The following RBFOX1 variants were observed in gnomAD, a reference collection of about 807,000 sequenced individuals.
RBFOX1 encodes the protein RNA binding fox-1 homolog 1, also known as RNA binding protein fox-1 homolog 1.
RBFOX1 carries 8 observed loss-of-function variants against 57.7 expected under a neutral mutation model. That is an observed-to-expected ratio of 0.14 (90% CI 0.08 to 0.25). RBFOX1 has a LOEUF of 0.25. Among genes scored for constraint, RBFOX1 ranks in the 10% least tolerant of loss-of-function variants. RBFOX1 has a pLI of 1.00. For missense variants in RBFOX1, 611 were observed against 548.5 expected (o/e 1.11, Z -1.14); for synonymous variants, 326 against 222.4 (o/e 1.47, Z -4.15).
chr16:5,859,052 G>C (rs1597522691), intron 3 of RBFOX1, among the ~76,000 whole-genome samples: 1 of 152,072 alleles, frequency 6.6e-6, no homozygotes, highest in South Asian at 2.1e-4. Flanking sequence ...TAAAAATACA[G>C]AAATTAGCCA....
chr16:6,974,352 T>C (rs1329999007), intron 3 of RBFOX1, among the ~76,000 whole-genome samples: 1 of 142,972 alleles, frequency 7.0e-6, no homozygotes, highest in Non-Finnish European at 1.5e-5. Flanking sequence ...TTTTTTTTTT[T>C]TTTTTTTTTT....
chr16:6,685,963 G>A (rs1023865494), intron 3 of RBFOX1, among the ~76,000 whole-genome samples: 5 of 151,936 alleles, frequency 3.3e-5, no homozygotes, highest in Admixed American at 2.6e-4. Flanking sequence ...TGATTCCAAC[G>A]TGACAAAACC....
chr16:6,180,805 A>G (rs1053022767), intron 1 of RBFOX1, among the ~76,000 whole-genome samples: 1 of 152,068 alleles, frequency 6.6e-6, no homozygotes, highest in Non-Finnish European at 1.5e-5. Context: ...ACCTCAAGTA[A>G]TCTACCTGCC....
At chr16:6,566,264 G>A (rs1013148989) in intron 2 of RBFOX1, among the ~76,000 whole-genome samples, 4 of 152,134 alleles carry the variant, frequency 2.6e-5, no homozygotes, top group Non-Finnish European at 4.4e-5. Flanking sequence ...AAAGCCACAG[G>A]CCAGTCTCAC....
intron 5 of RBFOX1, among the ~76,000 whole-genome samples, chr16:7,524,429 T>C (rs1410284891): frequency 2.0e-5 from 3 of 152,230 alleles, no homozygotes; most frequent in African/African-American, 4.8e-5. Flanking sequence ...ACGGATCACA[T>C]TGCTGACAGA....
At chr16:6,495,645 G>C (rs535851116) in intron 2 of RBFOX1, among the ~76,000 whole-genome samples, 1 of 152,192 alleles carries the variant, frequency 6.6e-6, no homozygotes, top group South Asian at 2.1e-4. Flanking sequence ...TTATTTGGCC[G>C]TTTCAGACAG....
At chr16:6,421,619 T>C (rs2093773501) in intron 2 of RBFOX1, among the ~76,000 whole-genome samples, 1 of 152,214 alleles carries the variant, frequency 6.6e-6, no homozygotes, top group Non-Finnish European at 1.5e-5. Context: ...TATTTGTTCC[T>C]GCCTCCTAGC....
chr16:5,813,040 C>G (rs2055490487), intron 3 of RBFOX1, among the ~76,000 whole-genome samples: 1 of 144,170 alleles, frequency 6.9e-6, no homozygotes, highest in African/African-American at 2.6e-5. Flanking sequence ...TGGAGACTTG[C>G]TCTGTCACCC....
intron 2 of RBFOX1, among the ~76,000 whole-genome samples, chr16:5,538,861 C>T (rs1196378619): frequency 6.6e-6 from 1 of 152,124 alleles, no homozygotes; most frequent in Non-Finnish European, 1.5e-5. Flanking sequence ...CTCCTGACAT[C>T]ATGATCTGCC....
chr16:5,406,178 C>G lies in RBFOX1; in HGVS notation c.220-61038C>G, dbSNP rs139866376. Among the ~76,000 whole-genome samples the G allele has an allele frequency of 1.7e-3, 261 of 152,226 alleles. 1 individual carries two copies. The highest frequency in any genetic ancestry group is 5.8e-3 in the African/African-American group (242 of 41,522). On this transcript the variant is annotated intron_variant, in intron 1 of 2. Coordinates refer to the RBFOX1 transcript ENST00000585867. ...TTTATGTGTCAACTTGACTGGGATA[C>G]ATGATGCCCAGATAGCTAGTTAAAT...
At chr16:7,090,435 A>G (rs1431848920) in intron 4 of RBFOX1, among the ~76,000 whole-genome samples, 1 of 152,086 alleles carries the variant, frequency 6.6e-6, no homozygotes, top group African/African-American at 2.4e-5. Context: ...GTCTATAAGG[A>G]TGGTCCTGTG....
chr16:6,656,385 C>G (rs547416954), intron 3 of RBFOX1, among the ~76,000 whole-genome samples: 2 of 152,110 alleles, frequency 1.3e-5, no homozygotes, highest in Admixed American at 6.6e-5. Flanking sequence ...AGCTCCATCA[C>G]GCACAAGGTA....
intron 6 of RBFOX1, among the ~76,000 whole-genome samples, chr16:7,586,449 T>G (rs947300595): frequency 6.6e-6 from 1 of 152,222 alleles, no homozygotes; most frequent in Non-Finnish European, 1.5e-5. Context: ...TTAAAAAATA[T>G]GTAAGACACA....
intron 3 of RBFOX1, among the ~76,000 whole-genome samples, chr16:6,992,330 G>T (rs76624574): frequency 0.052 from 7,885 of 152,058 alleles, 240 homozygotes; most frequent in African/African-American, 0.071. Flanking sequence ...CAATTCTCCT[G>T]CCTCAGCTTT....
Position 6,950,095 on chromosome 16 carries a change from C to A in RBFOX1, c.-15-101962C>A, listed in dbSNP as rs139272038. ...CCGAGTAGCTAGGATTATAGGCATGCGCCACTACGCAGAGGTAATTTTTTT... is the reference window on the plus strand; with the variant it reads ...CCGAGTAGCTAGGATTATAGGCATGAGCCACTACGCAGAGGTAATTTTTTT... On this transcript the variant is annotated intron_variant, in intron 3 of 15. Coordinates refer to ENST00000550418, the MANE Select transcript of RBFOX1 (RefSeq NM_018723.4). Among the ~76,000 whole-genome samples, 528 of 148,558 alleles carry A rather than the reference C, an allele frequency of 3.6e-3. 3 individuals carry two copies. Among genetic ancestry groups the A allele is most frequent in the African/African-American group, 0.012 (500 of 40,226 alleles).
At chr16:5,437,625 T>C (rs924828189) in intron 1 of RBFOX1, among the ~76,000 whole-genome samples, 4 of 152,204 alleles carry the variant, frequency 2.6e-5, no homozygotes, top group Admixed American at 6.5e-5. Flanking sequence ...AGAGTGGTAT[T>C]AAGATATTAA....
At chr16:5,296,984 T>C (rs1016828768) in intron 1 of RBFOX1, among the ~76,000 whole-genome samples, 1 of 152,182 alleles carries the variant, frequency 6.6e-6, no homozygotes, top group African/African-American at 2.4e-5. Flanking sequence ...CCAACTTTTT[T>C]AGATTCCACA....
chr16:6,297,853 G>A (rs374259697), intron 1 of RBFOX1, among the ~76,000 whole-genome samples: 7 of 152,152 alleles, frequency 4.6e-5, no homozygotes, highest in Non-Finnish European at 7.4e-5. Context: ...GTGGCGAAAC[G>A]CCAGAGGAAG....
rs71142677 is a variant in RBFOX1, at chr16:6,082,347, A to ATTTTTTTT, written c.-127+62376_-127+62383dup. ...ATGTGCCTGTCACCACACCTGGCTA[A>ATTTTTTTT]TTTTTTTTTTTTTTTTTTTTTTTTT... On this transcript the variant is annotated intron_variant, in intron 1 of 15. Transcript: ENST00000550418. 2.5e-3 allele frequency among the ~76,000 whole-genome samples: 103 copies of ATTTTTTTT among 41,048 alleles called. 7 individuals are homozygous for ATTTTTTTT. The highest frequency in any genetic ancestry group is 5.5e-3 in the East Asian group (7 of 1,284). 26.9% of individuals were successfully genotyped at this position (41,048 alleles called of 152,430 possible).
Sources: gnomAD v4.1 joint callset for allele counts (sites outside exome capture counted in the v4.1 genomes callset) on GRCh38, gnomAD v4.1.1 for gene constraint, MANE v1.5 for transcripts, NCBI Gene and HGNC (gene_info 2026-07-23, HGNC 2026-07-21) for gene names.